The following TRAF3IP1 variants were observed in gnomAD, a reference collection of about 807,000 sequenced individuals.
The protein encoded by TRAF3IP1 is intraflagellar transport 54, also known as TRAF3-interacting protein 1.
TRAF3IP1 carries 53 observed loss-of-function variants against 89.9 expected under a neutral mutation model. That is an observed-to-expected ratio of 0.59 (90% confidence interval 0.47 to 0.74). TRAF3IP1 has a LOEUF of 0.74. Among genes scored for constraint, TRAF3IP1 ranks in the 30% least tolerant of loss-of-function variants. The pLI, the probability that TRAF3IP1 is intolerant of heterozygous loss-of-function variation, is 0.00. For missense variants in TRAF3IP1, 806 were observed against 866.1 expected, an observed-to-expected ratio of 0.93 and a Z score of 0.87; for synonymous variants, 311 against 322.1, an observed-to-expected ratio of 0.97 and a Z score of 0.37.
chr2:238,326,508 T>G (rs556550478), intron 3 of TRAF3IP1, among the ~76,000 whole-genome samples: 10 of 151,918 alleles, frequency 6.6e-5, no homozygotes, highest in Admixed American at 1.3e-4. Flanking sequence ...GGGGAGTAGA[T>G]TTTTTCTTTC....
intron 5 of TRAF3IP1, among the ~76,000 whole-genome samples, chr2:238,330,423 G>A (rs768701968): frequency 1.1e-4 from 16 of 152,188 alleles, no homozygotes; most frequent in Non-Finnish European, 2.1e-4. Context: ...ATTCTTTGGG[G>A]GATGTCAAAT....
intron 15 of TRAF3IP1, among the ~76,000 whole-genome samples, chr2:238,389,257 T>G (rs1034505351): frequency 1.1e-4 from 16 of 151,944 alleles, no homozygotes; most frequent in African/African-American, 3.6e-4. Flanking sequence ...TTATTTTGTT[T>G]TAGATTTGGG....
chr2:238,397,524 G>C lies in TRAF3IP1; in HGVS notation c.1755G>C (p.Lys585Asn). ...ACATCGTTTCCAAGGAGATAGAGAA[G>C]CTCCGCACGTCCATCCAGACCCTGT... ...EKDIVSKEIE[K>N]LRTSIQTLCK... The change falls in exon 16 of 17, where the codon AAG becomes AAC. Residue 585 changes from lysine to asparagine, a missense_variant. Around this residue, in one of 3 missense-constraint regions of TRAF3IP1, gnomAD observed 732 missense variants for 780.5 expected, o/e 0.94. Coordinates refer to ENST00000373327, the MANE Select transcript of TRAF3IP1 (RefSeq NM_015650.4). 1 of 1,613,116 alleles carries C rather than the reference G, an allele frequency of 6.2e-7. No homozygotes were observed. The highest frequency in any genetic ancestry group is 8.5e-7 in the Non-Finnish European group (1 of 1,179,944).
At chr2:238,324,431 C>T (rs1468034191) in intron 1 of TRAF3IP1, among the ~76,000 whole-genome samples, 10 of 151,770 alleles carry the variant, frequency 6.6e-5, no homozygotes, top group African/African-American at 1.5e-4. Flanking sequence ...TGTAAAATGC[C>T]GTTCCAGGTC....
chr2:238,330,470 G>A (rs1698066119), intron 5 of TRAF3IP1, among the ~76,000 whole-genome samples: 1 of 152,188 alleles, frequency 6.6e-6, no homozygotes, highest in Non-Finnish European at 1.5e-5. Context: ...AAATCATCTT[G>A]TCTCCAGCTG....
intron 15 of TRAF3IP1, among the ~76,000 whole-genome samples, chr2:238,394,355 A>G (rs1348620645): frequency 6.6e-6 from 1 of 152,228 alleles, no homozygotes; most frequent in Non-Finnish European, 1.5e-5. Flanking sequence ...ATTTGCATTA[A>G]ACATGCGTAT....
chr2:238,343,888 G>C (rs1698773980), intron 8 of TRAF3IP1, among the ~76,000 whole-genome samples: 1 of 151,298 alleles, frequency 6.6e-6, no homozygotes, highest in South Asian at 2.1e-4. Flanking sequence ...TTTACTCCTG[G>C]GTTCAAGTGA....
Position 238,398,994 on chromosome 2 carries a change from T to C in TRAF3IP1, c.*75T>C. 1 of 1,346,474 alleles carries C rather than the reference T, an allele frequency of 7.4e-7. No homozygotes were observed. The highest frequency in any genetic ancestry group is 1.5e-5 in the African/African-American group (1 of 68,344). The allele number at this position is 1,346,474 out of a possible 1,614,324, so 83.4% of individuals were successfully genotyped here. On this transcript the variant is annotated 3_prime_UTR_variant, in exon 17 of 17. Transcript: ENST00000373327. ...AGGAAGATAGAAAATCATTACTCTT[T>C]TAAGTTCCAGTTTGCTAAGAAAATG... is the stretch of plus-strand genomic sequence containing the variant.
intron 15 of TRAF3IP1, among the ~76,000 whole-genome samples, chr2:238,388,393 G>A (rs1356106818): frequency 7.3e-5 from 8 of 109,170 alleles, no homozygotes; most frequent in African/African-American, 1.2e-4. Context: ...AAAAAAAAAA[G>A]GATGTGTTTG....
At chr2:238,364,175 A>G (rs1248980110) in intron 15 of TRAF3IP1, among the ~76,000 whole-genome samples, 2 of 152,108 alleles carry the variant, frequency 1.3e-5, no homozygotes, top group East Asian at 3.8e-4. Context: ...GGATTTTTTC[A>G]ATGCTAAAGA....
intron 7 of TRAF3IP1, among the ~76,000 whole-genome samples, chr2:238,336,626 TA>T (rs1282517790): frequency 6.6e-6 from 1 of 152,170 alleles, no homozygotes; most frequent in East Asian, 1.9e-4. Context: ...TATTTCTAAG[TA>T]GTGCATACAG....
Position 238,366,585 on chromosome 2 carries a change from A to G in TRAF3IP1, c.1689+10505A>G, listed in dbSNP as rs116012252. ...TACTCAGTGAATGATAATATAATCA[A>G]TAAAGATTTTATTTTTACTGAAAAT... On this transcript the variant is annotated intron_variant, in intron 15 of 16. Transcript: ENST00000373327. 7.0e-3 allele frequency among the ~76,000 whole-genome samples: 1,069 copies of G among 152,342 alleles called. 11 individuals are homozygous for G. Among genetic ancestry groups the G allele is most frequent in the African/African-American group, 0.024 (984 of 41,578 alleles).
At chr2:238,397,281 A>G in intron 15 of TRAF3IP1, 178 bp from the exon 16 acceptor site, 1 of 588,156 alleles carries the variant, frequency 1.7e-6, no homozygotes, top group Non-Finnish European at 3.0e-6. Context: ...AGCACTTCAG[A>G]GTTACTCTGT....
chr2:238,329,004 A>G lies in TRAF3IP1; in HGVS notation c.577A>G (p.Lys193Glu). 2 of 1,551,914 alleles carry G rather than the reference A, an allele frequency of 1.3e-6. No individual in the cohort carries two copies. The highest frequency in any genetic ancestry group is 1.7e-6 in the Non-Finnish European group (2 of 1,147,188). The change falls in exon 5 of 17, where the codon AAG becomes GAG. Residue 193 changes from lysine (K) to glutamate (E), a missense_variant. Lys to Glu is a moderately conservative substitution (Grantham distance 56). This residue lies in a region of TRAF3IP1 where 732 missense variants were observed against 780.5 expected (regional missense o/e 0.94). Transcript: ENST00000373327. ...GAAGGAAGAATTGAAAGAAGACCGC[A>G]AGCCAAGAGAAAAGGACAAGGACAA... The part of the protein sequence containing the change: ...KQKEELKEDR[K>E]PREKDKDKEK...
At chr2:238,344,854 G>A (rs1698820408) in intron 9 of TRAF3IP1, 1 of 617,420 alleles carries the variant, frequency 1.6e-6, no homozygotes, top group Non-Finnish European at 3.0e-6. Context: ...CATCACTTGG[G>A]GGGTGTCATG....
rs114131282 is a variant in TRAF3IP1 at position 238,329,830 on chromosome 2, T to C, written c.915+488T>C. Among the ~76,000 whole-genome samples, 426 of 152,334 alleles carry C rather than the reference T, an allele frequency of 2.8e-3. 2 individuals are homozygous for C. Among genetic ancestry groups the C allele is most frequent in the African/African-American group, 9.6e-3 (397 of 41,560 alleles). On this transcript the variant is annotated intron_variant, in intron 5 of 16. Coordinates refer to ENST00000373327, the MANE Select transcript of TRAF3IP1 (RefSeq NM_015650.4). ...GAAACACTGGATGGAATTGATCAAT[T>C]GATGGTGGTTTCTGAGGTCTCCCTT...
intron 15 of TRAF3IP1, among the ~76,000 whole-genome samples, chr2:238,391,254 G>A (rs1295361968): frequency 6.6e-6 from 1 of 152,196 alleles, no homozygotes; most frequent in Non-Finnish European, 1.5e-5. Context: ...AACACACCCA[G>A]CCATGACAGA....
chr2:238,352,718 G>A, intron 12 of TRAF3IP1, 109 bp from the exon 13 acceptor site: 1 of 1,091,406 alleles, frequency 9.2e-7, no homozygotes, highest in Non-Finnish European at 1.3e-6. Flanking sequence ...GTTCTAGCTA[G>A]AGATGGTTGG....
At chr2:238,377,860 T>G (rs947785080) in intron 15 of TRAF3IP1, among the ~76,000 whole-genome samples, 1 of 152,208 alleles carries the variant, frequency 6.6e-6, no homozygotes. Context: ...GTTTTCATTT[T>G]TGTATTAATT....
Sources: gnomAD v4.1 joint callset for allele counts (sites outside exome capture counted in the v4.1 genomes callset) on GRCh38, gnomAD v4.1.1 for gene constraint, gnomAD v4.1.1 regional missense constraint, MANE v1.5 for transcripts, NCBI Gene and HGNC (gene_info 2026-07-23, HGNC 2026-07-21) for gene names.